Variants in MROH2A observed in about 807,000 individuals in gnomAD.
MROH2A encodes maestro heat like repeat family member 2A.
In MROH2A, 174 loss-of-function variants were observed where a neutral mutation model predicts 200.4. The observed-to-expected ratio is 0.87, with a 90% CI of 0.77 to 0.98. The LOEUF is 0.98. Among genes scored for constraint, MROH2A ranks in the 50% least tolerant of loss-of-function variants. The probability of loss-of-function intolerance (pLI) is 0.00; values close to 1 mark genes in which losing one functional copy is unlikely to be tolerated. For missense variants in MROH2A, 2,045 were observed against 2,139.6 expected, an observed-to-expected ratio of 0.96 and a Z score of 0.87; for synonymous variants, 829 against 840.4, an observed-to-expected ratio of 0.99 and a Z score of 0.23.
intron 15 of MROH2A, 129 bp from the exon 16 acceptor site, chr2:233,803,319 C>G: frequency 1.1e-6 from 1 of 920,708 alleles, no homozygotes; most frequent in Non-Finnish European, 1.7e-6. Context: ...ATTCTCCATT[C>G]TGGGGGTTTG....
At chr2:233,793,601 CT>C in intron 6 of MROH2A, 71 bp from the exon 7 acceptor site, 1 of 1,302,484 alleles carries the variant, frequency 7.7e-7, no homozygotes, top group Non-Finnish European at 9.9e-7. Context: ...ACTCGGGAAG[CT>C]GGGCTGGGAA....
At chr2:233,782,148 A>G (rs1700982919) in intron 3 of MROH2A, among the ~76,000 whole-genome samples, 1 of 152,184 alleles carries the variant, frequency 6.6e-6, no homozygotes, top group Non-Finnish European at 1.5e-5. Context: ...TTTTGAAATC[A>G]GGTAGTATGA....
In MROH2A at chr2:233,796,019, A is replaced by G; in HGVS notation, c.1112A>G (p.Glu371Gly). 1 of 1,550,554 alleles carries G rather than the reference A, an allele frequency of 6.4e-7. No homozygotes were observed. The highest frequency in any genetic ancestry group is 1.2e-5 in the South Asian group (1 of 84,056). Residue 371 changes from glutamate to glycine, a missense_variant, in exon 10 of 42, where the codon GAG (glutamate) becomes GGG (glycine). Glu to Gly is a moderately conservative substitution (Grantham distance 98). Around this residue, in one of 3 missense-constraint regions of MROH2A, gnomAD observed 831 missense variants for 800.0 expected, o/e 1.04. Coordinates refer to ENST00000389758, the MANE Select transcript of MROH2A (RefSeq NM_001394639.1). The stretch of plus-strand genomic sequence containing the variant: ...CAGTACAGCAGCCAGAATCTGATGG[A>G]GATGGTGCACTGCTTCGTAGCCCTT... ...QHQYSSQNLMEMVHCFVALAR... is the reference protein window; with the variant it reads ...QHQYSSQNLMGMVHCFVALAR...
At chr2:233,786,221 C>A (rs569502291) in intron 3 of MROH2A, among the ~76,000 whole-genome samples, 1 of 152,294 alleles carries the variant, frequency 6.6e-6, no homozygotes, top group East Asian at 1.9e-4. Context: ...AACTATGAGT[C>A]CATTAAACCT....
chr2:233,790,056 C>CT, intron 5 of MROH2A, 42 bp downstream of exon 5: 1 of 1,493,794 alleles, frequency 6.7e-7, no homozygotes, highest in Non-Finnish European at 9.0e-7. Context: ...GTGTGCCCTT[C>CT]TGGTCTCTGC....
chr2:233,822,105 G>A lies in MROH2A; in HGVS notation c.3513-19G>A, dbSNP rs1211972473. The A allele has an allele frequency of 6.5e-7, 1 of 1,545,264 alleles. No individual in the cohort carries two copies. Among genetic ancestry groups the A allele is most frequent in the South Asian group, 1.2e-5 (1 of 83,282 alleles). On this transcript the variant is annotated intron_variant, in intron 31 of 41. Transcript: ENST00000389758. ...ACATGCCAGGAAACTCACAGTCCTT[G>A]TGCCCTGACTTTGGTTAGCCACCTG...
chr2:233,803,596 G>A, intron 16 of MROH2A, 108 bp downstream of exon 16: 1 of 1,173,820 alleles, frequency 8.5e-7, no homozygotes. Flanking sequence ...GGAAGCTGAG[G>A]TGCAATGAGG....
At chr2:233,816,912 G>A (rs1575991054) in intron 27 of MROH2A, 27 bp downstream of exon 27, 10 of 1,376,868 alleles carry the variant, frequency 7.3e-6, no homozygotes, top group Non-Finnish European at 1.0e-5. Context: ...CCAGCCCCCA[G>A]CCTGCTGCTC....
chr2:233,813,888 C>T (rs1559469865), intron 25 of MROH2A, 110 bp downstream of exon 25: 1 of 585,766 alleles, frequency 1.7e-6, no homozygotes, highest in Non-Finnish European at 3.1e-6. Flanking sequence ...TGTTTAGAGG[C>T]AGCGGAGTGT....
intron 33 of MROH2A, 99 bp downstream of exon 33, chr2:233,822,655 G>C (rs11900055): frequency 0.035 from 45,872 of 1,296,144 alleles, 2,049 homozygotes; most frequent in African/African-American, 0.2. Flanking sequence ...GGGGCCCTCT[G>C]TCTCCTCCTG....
intron 3 of MROH2A, among the ~76,000 whole-genome samples, chr2:233,787,656 CAT>C (rs1454542433): frequency 7.5e-3 from 184 of 24,498 alleles, no homozygotes; most frequent in African/African-American, 0.026. Context: ...ATCATATATA[CAT>C]ATATATTATA....
At chr2:233,823,727 T>C in intron 35 of MROH2A, 63 bp downstream of exon 35, 1 of 1,526,144 alleles carries the variant, frequency 6.6e-7, no homozygotes, top group East Asian at 2.5e-5. Flanking sequence ...CCTGGATTCT[T>C]CTGGGGATGG....
At chr2:233,819,178 C>G (rs1703760814) in intron 29 of MROH2A, 139 bp from the exon 30 acceptor site, 1 of 894,758 alleles carries the variant, frequency 1.1e-6, no homozygotes, top group African/African-American at 1.7e-5. Flanking sequence ...TCTGGCTCAG[C>G]CCAGGAGGAG....
At chr2:233,794,973 T>C (rs1702012089) in intron 8 of MROH2A, among the ~76,000 whole-genome samples, 1 of 152,162 alleles carries the variant, frequency 6.6e-6, no homozygotes, top group African/African-American at 2.4e-5. Context: ...GCAGCATCAC[T>C]CCAATTTCTC....
upstream of MROH2A, among the ~76,000 whole-genome samples, chr2:233,776,122 C>T (rs978845515): frequency 2.0e-5 from 3 of 152,120 alleles, no homozygotes; most frequent in South Asian, 4.1e-4. Context: ...TGAAAATGGA[C>T]TAATACAGTC....
At position 233,807,489 on chromosome 2, in the gene MROH2A, C is replaced by A; in HGVS notation, c.2119C>A (p.Leu707Met). The change falls in exon 20 of 42, where the codon CTG (leucine) becomes ATG (methionine). Residue 707 changes from leucine (L) to methionine (M), a missense_variant. Leu to Met is a conservative substitution (Grantham distance 15). Transcript: ENST00000389758. The surrounding 1 kb of genome is among the most constrained non-coding windows in gnomAD (Gnocchi z 4.3). ...CCTGGAGGCCAGCAAGGTGGAGGTC[C>A]TGCTGTTGGAGCTGCTGTACAAGAC... is the stretch of plus-strand genomic sequence containing the variant. ...TGLEASKVEV[L>M]LLELLYKTDY... 6.4e-7 allele frequency: 1 copy of A among 1,550,630 alleles called. No homozygotes were observed. The highest frequency in any genetic ancestry group is 8.7e-7 in the Non-Finnish European group (1 of 1,147,010).
At chr2:233,811,840 TG>T in intron 23 of MROH2A, 39 bp from the exon 24 acceptor site, 2 of 1,398,512 alleles carry the variant, frequency 1.4e-6, no homozygotes, top group Non-Finnish European at 2.0e-6. Flanking sequence ...GCCGCCATCA[TG>T]GTCACCAAAA....
At position 233,814,597 on chromosome 2, in the gene MROH2A, G is replaced by C. The variant is rs756964020; in HGVS notation, c.2776G>C (p.Ala926Pro). The change falls in exon 26 of 42, where the codon GCC (alanine) becomes CCC (proline). Residue 926 changes from alanine (A) to proline (P), a missense_variant. Coordinates refer to ENST00000389758, the MANE Select transcript of MROH2A (RefSeq NM_001394639.1). ...NESIKTLYAN[A>P]LSSLEQLMES... is the part of the protein sequence containing the mutation. ...TTGGCTGTAGACCCTGTATGCAAAT[G>C]CCCTGAGCTCCCTGGAGCAGCTGAT... The C allele has an allele frequency of 6.5e-7, 1 of 1,550,192 alleles. No homozygotes were observed. The highest frequency in any genetic ancestry group is 1.4e-5 in the African/African-American group (1 of 73,026).
chr2:233,829,846 C>G (rs1384118829), intron 38 of MROH2A, 71 bp downstream of exon 38: 6 of 1,248,838 alleles, frequency 4.8e-6, no homozygotes, highest in African/African-American at 1.6e-5. Flanking sequence ...GTCCTTGGGT[C>G]TGCTGGCTCG....
Sources: allele counts gnomAD v4.1 joint callset (sites outside exome capture counted in the v4.1 genomes callset), GRCh38; gene constraint gnomAD v4.1.1; regional missense constraint gnomAD v4.1.1; non-coding constraint Gnocchi (gnomAD v3.1); transcripts MANE v1.5; gene names NCBI Gene and HGNC (gene_info 2026-07-23, HGNC 2026-07-21).